The following VEPH1 variants were observed in gnomAD, a reference collection of about 807,000 sequenced individuals.
The protein encoded by VEPH1 is ventricular zone expressed PH domain containing 1.
A neutral mutation model predicts 85.2 loss-of-function variants in VEPH1; 80 were observed. The ratio of observed to expected loss-of-function variants is 0.94; its 90% CI spans 0.78 to 1.13. The LOEUF (loss-of-function observed/expected upper bound fraction) is 1.13, where lower values mean the gene tolerates loss of function less well. VEPH1 is among the 50% of genes most tolerant of loss of function. The pLI, the probability that VEPH1 is intolerant of heterozygous loss-of-function variation, is 0.00. For synonymous variants in VEPH1, 297 were observed against 348.0 expected (o/e 0.85, Z 1.63); for missense variants, 955 against 980.5 (o/e 0.97, Z 0.35).
At chr3:157,473,528 G>A (rs896931087) in intron 2 of VEPH1, among the ~76,000 whole-genome samples, 2 of 151,924 alleles carry the variant, frequency 1.3e-5, no homozygotes, top group African/African-American at 4.8e-5. Context: ...TATTATGTTG[G>A]CTAGAATCTT....
chr3:157,401,340 G>T (rs1023702894), intron 6 of VEPH1, among the ~76,000 whole-genome samples: 1 of 152,082 alleles, frequency 6.6e-6, no homozygotes, highest in Non-Finnish European at 1.5e-5. Flanking sequence ...GAACAATATG[G>T]TAAGATTTAA....
Position 157,313,692 on chromosome 3 carries a change from C to T in VEPH1, c.1939G>A (p.Glu647Lys). 6.2e-7 allele frequency: 1 copy of T among 1,614,084 alleles called. No individual in the cohort carries two copies. Among genetic ancestry groups the T allele is most frequent in the Non-Finnish European group, 8.5e-7 (1 of 1,180,020 alleles). ...HSVQFLRALW[E>K]KTQAGGAHSF... ...TGAGCACCCCCTGCCTGGGTCTTCT[C>T]CCACAGAGCTCTGAGGAATTGCACA... is the stretch of plus-strand genomic sequence containing the variant. Residue 647 changes from glutamate to lysine, a missense_variant, in exon 11 of 14, where the codon GAG becomes AAG. By Grantham distance (56) the Glu-to-Lys change is moderately conservative. Transcript: ENST00000362010.
At chr3:157,333,586 C>T (rs1002685364) in intron 9 of VEPH1, among the ~76,000 whole-genome samples, 8 of 152,174 alleles carry the variant, frequency 5.3e-5, no homozygotes, top group Non-Finnish European at 1.0e-4. Context: ...TTTCTGGCAA[C>T]AATACAGAGC....
chr3:157,389,869 ATTTTAGGTCTTC>A (rs1290683042), intron 6 of VEPH1, among the ~76,000 whole-genome samples: 1 of 152,132 alleles, frequency 6.6e-6, no homozygotes, highest in Non-Finnish European at 1.5e-5. Context: ...ATTTTATTTG[ATTTTAGGTCTTC>A]AGCATATTTT....
chr3:157,331,014 T>C (rs779522699), intron 9 of VEPH1, among the ~76,000 whole-genome samples: 1 of 152,210 alleles, frequency 6.6e-6, no homozygotes, highest in Non-Finnish European at 1.5e-5. Context: ...TATCCGGAGA[T>C]TGGCCCTGTG....
intron 4 of VEPH1, chr3:157,436,869 C>T (rs1038582990): frequency 3.5e-5 from 55 of 1,568,000 alleles, no homozygotes; most frequent in Non-Finnish European, 4.7e-5. Context: ...CTCCTCCGCT[C>T]AAACTCAGCT....
At chr3:157,286,753 T>G (rs1716835447) in intron 11 of VEPH1, 79 bp from the exon 12 acceptor site, 1 of 1,187,888 alleles carries the variant, frequency 8.4e-7, no homozygotes, top group African/African-American at 1.5e-5. Context: ...GAGAAGGGGA[T>G]GTGGATCAGG....
At chr3:157,356,682 A>T (rs928681069) in intron 9 of VEPH1, among the ~76,000 whole-genome samples, 1 of 152,050 alleles carries the variant, frequency 6.6e-6, no homozygotes, top group Non-Finnish European at 1.5e-5. Context: ...AAAAATATGG[A>T]TTTACTCTGT....
intron 11 of VEPH1, among the ~76,000 whole-genome samples, chr3:157,293,423 A>G (rs1717766884): frequency 6.6e-6 from 1 of 152,204 alleles, no homozygotes; most frequent in Admixed American, 6.5e-5. Flanking sequence ...TTATACTTCT[A>G]TCCTTTGAGT....
intron 1 of VEPH1, among the ~76,000 whole-genome samples, chr3:157,496,887 T>A (rs1739709163): frequency 6.6e-6 from 1 of 151,038 alleles, no homozygotes; most frequent in South Asian, 2.1e-4. Flanking sequence ...TTGTACTATC[T>A]ACCAGCTTTT....
chr3:157,392,663 T>A (rs774203225), intron 6 of VEPH1, among the ~76,000 whole-genome samples: 10 of 152,182 alleles, frequency 6.6e-5, no homozygotes, highest in Non-Finnish European at 1.2e-4. Context: ...TAAGAAAGTT[T>A]ATGAATTTGT....
chr3:157,457,684 T>C (rs996344253), intron 4 of VEPH1, among the ~76,000 whole-genome samples: 1 of 152,262 alleles, frequency 6.6e-6, no homozygotes, highest in African/African-American at 2.4e-5. Flanking sequence ...GATTTGCATA[T>C]GTTCAACCAA....
At chr3:157,293,394 T>C (rs9864194) in intron 11 of VEPH1, among the ~76,000 whole-genome samples, 38,591 of 152,154 alleles carry the variant, frequency 0.25, 5,093 homozygotes, top group African/African-American at 0.3. Context: ...TCACTATCAC[T>C]ACATATCACT....
At chr3:157,378,457 T>C (rs1728407185) in intron 7 of VEPH1, among the ~76,000 whole-genome samples, 1 of 151,306 alleles carries the variant, frequency 6.6e-6, no homozygotes, top group South Asian at 2.1e-4. Flanking sequence ...GGGTGCTTCT[T>C]CTATCATCTA....
In VEPH1 at chr3:157,361,756, C is replaced by T. The variant is rs141119545; in HGVS notation, c.1735+1608G>A. Reference sequence around the variant, plus strand: ...CCTAGCACTATGGCATTTTAGGACCCGTGTCTCAAACACATTTCCTTTCCT... The same window carrying T: ...CCTAGCACTATGGCATTTTAGGACCTGTGTCTCAAACACATTTCCTTTCCT... On this transcript the variant is annotated intron_variant, in intron 9 of 13. Transcript: ENST00000362010. Among the ~76,000 whole-genome samples the T allele has an allele frequency of 5.6e-3, 847 of 152,254 alleles. 5 individuals are homozygous for T. The highest frequency in any genetic ancestry group is 0.019 in the African/African-American group (799 of 41,528).
intron 6 of VEPH1, among the ~76,000 whole-genome samples, chr3:157,394,340 G>T (rs1730168531): frequency 6.6e-6 from 1 of 152,184 alleles, no homozygotes; most frequent in Non-Finnish European, 1.5e-5. Flanking sequence ...TATAAAGTGG[G>T]TTCAGAAGCT....
intron 9 of VEPH1, among the ~76,000 whole-genome samples, chr3:157,359,815 A>G (rs766021657): frequency 1.2e-4 from 18 of 152,356 alleles, no homozygotes; most frequent in South Asian, 4.1e-4. Flanking sequence ...GTTTTTTCAT[A>G]TGGACCAACC....
intron 7 of VEPH1, among the ~76,000 whole-genome samples, chr3:157,374,792 A>G (rs977500133): frequency 9.2e-5 from 14 of 152,196 alleles, no homozygotes; most frequent in African/African-American, 2.9e-4. Flanking sequence ...CAAAGAGGGC[A>G]TTCTAGAAGG....
intron 6 of VEPH1, among the ~76,000 whole-genome samples, chr3:157,385,832 TG>T (rs1729231353): frequency 6.6e-6 from 1 of 152,216 alleles, no homozygotes; most frequent in African/African-American, 2.4e-5. Context: ...TAAAATCCAC[TG>T]GTCTGTCTTG....
Sources: gnomAD v4.1 joint callset for allele counts (sites outside exome capture counted in the v4.1 genomes callset) on GRCh38, gnomAD v4.1.1 for gene constraint, MANE v1.5 for transcripts, NCBI Gene and HGNC (gene_info 2026-07-23, HGNC 2026-07-21) for gene names.